The following HHAT variants were observed in gnomAD, a reference collection of about 807,000 sequenced individuals.
HHAT encodes the protein hedgehog acyltransferase, also known as protein-cysteine N-palmitoyltransferase HHAT.
HHAT carries 47 observed loss-of-function variants against 70.8 expected under a neutral mutation model. The ratio of observed to expected loss-of-function variants is 0.66; its 90% CI spans 0.53 to 0.85. The LOEUF is 0.85. HHAT is among the 40% of genes least tolerant of loss of function. The probability of loss-of-function intolerance (pLI) is 0.00; values close to 1 mark genes in which losing one functional copy is unlikely to be tolerated. For synonymous variants in HHAT, 228 were observed against 247.6 expected (o/e 0.92, Z 0.74); for missense variants, 609 against 604.8 (o/e 1.01, Z -0.07).
intron 6 of HHAT, among the ~76,000 whole-genome samples, chr1:210,415,477 A>G (rs1203135510): frequency 6.6e-6 from 1 of 152,206 alleles, no homozygotes; most frequent in Non-Finnish European, 1.5e-5. Flanking sequence ...CAAATATCCA[A>G]GGATACCCAA....
At chr1:210,390,391 T>C (rs1253557107) in intron 4 of HHAT, among the ~76,000 whole-genome samples, 1 of 152,228 alleles carries the variant, frequency 6.6e-6, no homozygotes, top group Non-Finnish European at 1.5e-5. Flanking sequence ...TGTTTAATAA[T>C]AAAGAATTCG....
intron 9 of HHAT, among the ~76,000 whole-genome samples, chr1:210,521,392 T>C (rs1278966527): frequency 1.3e-5 from 2 of 152,186 alleles, no homozygotes; most frequent in African/African-American, 2.4e-5. Flanking sequence ...ATAAATGATA[T>C]TACCTGCTTT....
intron 8 of HHAT, among the ~76,000 whole-genome samples, chr1:210,492,549 T>C (rs925575593): frequency 6.6e-6 from 1 of 152,104 alleles, no homozygotes; most frequent in South Asian, 2.1e-4. Context: ...GGAAACCTAT[T>C]TGATTAAGAA....
At chr1:210,487,645 T>C (rs911559266) in intron 8 of HHAT, among the ~76,000 whole-genome samples, 1 of 152,214 alleles carries the variant, frequency 6.6e-6, no homozygotes, top group Non-Finnish European at 1.5e-5. Context: ...CTCCAAAATA[T>C]GCCACTTTGG....
intron 11 of HHAT, among the ~76,000 whole-genome samples, chr1:210,664,493 G>C (rs1255667629): frequency 6.6e-6 from 1 of 152,226 alleles, no homozygotes; most frequent in African/African-American, 2.4e-5. Context: ...TGCCAGGGCA[G>C]GGCCAGTGTG....
chr1:210,531,642 A>G (rs2148635259), intron 9 of HHAT, among the ~76,000 whole-genome samples: 1 of 152,362 alleles, frequency 6.6e-6, no homozygotes. Flanking sequence ...TACTTAGGAC[A>G]GTTCCCTAAG....
At chr1:210,389,803 A>T (rs1054857752) in intron 4 of HHAT, among the ~76,000 whole-genome samples, 13 of 152,204 alleles carry the variant, frequency 8.5e-5, no homozygotes, top group Admixed American at 6.5e-4. Context: ...TGATGAATGA[A>T]TTAATCCATT....
intron 6 of HHAT, among the ~76,000 whole-genome samples, chr1:210,404,950 CACA>C (rs1484620601): frequency 1.3e-5 from 2 of 152,020 alleles, no homozygotes; most frequent in Admixed American, 1.3e-4. Flanking sequence ...ATGAGTAGGG[CACA>C]ACAAGGAGTT....
intron 9 of HHAT, among the ~76,000 whole-genome samples, chr1:210,586,609 A>G (rs898711649): frequency 3.9e-5 from 6 of 152,234 alleles, no homozygotes; most frequent in African/African-American, 1.4e-4. Context: ...TAAACTATAC[A>G]TATGGTGCTT....
intron 10 of HHAT, among the ~76,000 whole-genome samples, chr1:210,618,751 C>T: frequency 6.6e-6 from 1 of 152,228 alleles, no homozygotes; most frequent in East Asian, 1.9e-4. Flanking sequence ...TGCAGCCCCC[C>T]ATCCCCGGCT....
At chr1:210,628,272 T>G (rs1670205705) in intron 11 of HHAT, among the ~76,000 whole-genome samples, 1 of 151,980 alleles carries the variant, frequency 6.6e-6, no homozygotes, top group African/African-American at 2.4e-5. Context: ...GAATGGTGCT[T>G]CTTCTGAAAA....
At chr1:210,508,456 T>C (rs2094900179) in intron 8 of HHAT, among the ~76,000 whole-genome samples, 1 of 152,314 alleles carries the variant, frequency 6.6e-6, no homozygotes, top group South Asian at 2.1e-4. Flanking sequence ...ATTTTTAAAA[T>C]ATCACATAAA....
intron 9 of HHAT, among the ~76,000 whole-genome samples, chr1:210,575,728 A>C (rs912764906): frequency 6.6e-5 from 10 of 152,172 alleles, no homozygotes; most frequent in African/African-American, 2.2e-4. Flanking sequence ...TGAAGATTGT[A>C]ATACCACAAA....
intron 11 of HHAT, among the ~76,000 whole-genome samples, chr1:210,623,913 T>C (rs766154308): frequency 2.0e-5 from 3 of 152,194 alleles, no homozygotes; most frequent in Non-Finnish European, 4.4e-5. Flanking sequence ...AAGGTATTAT[T>C]CCAACTCTCC....
intron 11 of HHAT, among the ~76,000 whole-genome samples, chr1:210,628,563 A>T (rs543243607): frequency 6.6e-6 from 1 of 152,260 alleles, no homozygotes; most frequent in South Asian, 2.1e-4. Flanking sequence ...CTGCCTTAAC[A>T]CTTAGCTCCT....
intron 10 of HHAT, among the ~76,000 whole-genome samples, chr1:210,596,385 A>G (rs1205258521): frequency 6.6e-6 from 1 of 152,120 alleles, no homozygotes; most frequent in East Asian, 1.9e-4. Flanking sequence ...AAGTTCTCTG[A>G]TATTATCTCT....
chr1:210,539,656 C>T (rs1310409410), intron 9 of HHAT, among the ~76,000 whole-genome samples: 3 of 152,158 alleles, frequency 2.0e-5, no homozygotes, highest in Admixed American at 6.5e-5. Context: ...AGCGGCTCCC[C>T]AGTCTGGCAA....
chr1:210,399,277 G>A (rs972737177), intron 4 of HHAT, among the ~76,000 whole-genome samples: 7 of 152,148 alleles, frequency 4.6e-5, no homozygotes, highest in Non-Finnish European at 8.8e-5. Flanking sequence ...TTGTTTTTGA[G>A]ATGGAGTCTT....
At chr1:210,656,494 A>G (rs1574043542) in intron 11 of HHAT, among the ~76,000 whole-genome samples, 1 of 152,106 alleles carries the variant, frequency 6.6e-6, no homozygotes, top group South Asian at 2.1e-4. Flanking sequence ...CTCCAGGGCC[A>G]GGCAGCCGTG....
Sources: allele counts gnomAD v4.1 joint callset (sites outside exome capture counted in the v4.1 genomes callset), GRCh38; gene constraint gnomAD v4.1.1; transcripts MANE v1.5; gene names NCBI Gene and HGNC (gene_info 2026-07-23, HGNC 2026-07-21).